Variants in EVI5 observed in about 807,000 individuals in gnomAD.
The protein encoded by EVI5 is ecotropic viral integration site 5 protein homolog.
In EVI5, 73 loss-of-function variants were observed where a neutral mutation model predicts 112.0. That is an observed-to-expected ratio of 0.65 (90% confidence interval 0.54 to 0.79). The LOEUF (loss-of-function observed/expected upper bound fraction) is 0.79, where lower values mean the gene tolerates loss of function less well. EVI5 is among the 30% of genes least tolerant of loss of function. The pLI, the probability that EVI5 is intolerant of heterozygous loss-of-function variation, is 0.00. For missense variants in EVI5, 900 were observed against 968.8 expected, an observed-to-expected ratio of 0.93 and a Z score of 0.94; for synonymous variants, 305 against 319.9, an observed-to-expected ratio of 0.95 and a Z score of 0.50.
chr1:92,789,372 G>C (rs144000623), upstream of EVI5, among the ~76,000 whole-genome samples: 128 of 151,550 alleles, frequency 8.4e-4, no homozygotes, highest in African/African-American at 2.9e-3. Flanking sequence ...GCAAGATCTT[G>C]ACTCACTGCA....
At chr1:92,632,273 T>G (rs1016763661) in intron 14 of EVI5, among the ~76,000 whole-genome samples, 10 of 152,238 alleles carry the variant, frequency 6.6e-5, no homozygotes, top group African/African-American at 2.4e-4. Flanking sequence ...CTCCTCCTTG[T>G]ACCTCTGGTA....
intron 16 of EVI5, among the ~76,000 whole-genome samples, chr1:92,621,951 T>C (rs1259194550): frequency 6.6e-6 from 1 of 151,774 alleles, no homozygotes; most frequent in East Asian, 1.9e-4. Flanking sequence ...TGAAACCCCG[T>C]CTCTACCAAA....
chr1:92,542,363 A>T (rs900406194), intron 19 of EVI5, among the ~76,000 whole-genome samples: 1 of 152,124 alleles, frequency 6.6e-6, no homozygotes, highest in African/African-American at 2.4e-5. Flanking sequence ...AGGCTCTACT[A>T]CATTACTAAT....
intron 18 of EVI5, among the ~76,000 whole-genome samples, chr1:92,599,102 A>T (rs1409887452): frequency 6.6e-6 from 1 of 151,780 alleles, no homozygotes; most frequent in African/African-American, 2.4e-5. Context: ...AAGTATCTAT[A>T]TATTACAATG....
intron 13 of EVI5, among the ~76,000 whole-genome samples, chr1:92,638,790 A>T (rs1659385459): frequency 6.6e-6 from 1 of 152,178 alleles, no homozygotes; most frequent in South Asian, 2.1e-4. Flanking sequence ...TTTGTATTAC[A>T]GAGCCCATGT....
At chr1:92,613,681 T>C (rs1280091971) in intron 16 of EVI5, among the ~76,000 whole-genome samples, 1 of 152,174 alleles carries the variant, frequency 6.6e-6, no homozygotes, top group Non-Finnish European at 1.5e-5. Flanking sequence ...CTCAAACTCC[T>C]GGGCTCAAGC....
intron 14 of EVI5, among the ~76,000 whole-genome samples, chr1:92,634,347 G>C (rs529155185): frequency 3.9e-5 from 6 of 152,254 alleles, no homozygotes; most frequent in East Asian, 3.9e-4. Flanking sequence ...TTTTCACATA[G>C]TCCCATATTT....
chr1:92,583,902 A>G (rs936639263), intron 18 of EVI5, among the ~76,000 whole-genome samples: 4 of 152,204 alleles, frequency 2.6e-5, no homozygotes, highest in African/African-American at 9.6e-5. Flanking sequence ...ACAAATAGGT[A>G]TCATACCTCT....
intron 13 of EVI5, among the ~76,000 whole-genome samples, chr1:92,659,081 T>C (rs1000852505): frequency 6.6e-6 from 1 of 151,838 alleles, no homozygotes; most frequent in Non-Finnish European, 1.5e-5. Flanking sequence ...TAACTCAAGA[T>C]GGATTAAAGA....
intron 1 of EVI5, among the ~76,000 whole-genome samples, chr1:92,757,386 A>AT (rs1681106526): frequency 2.1e-5 from 1 of 46,962 alleles, no homozygotes; most frequent in Non-Finnish European, 3.9e-5. Flanking sequence ...TAAAGTACTA[A>AT]TTTTTGAAGA....
At chr1:92,606,526 T>C (rs892548337) in intron 17 of EVI5, among the ~76,000 whole-genome samples, 1 of 152,208 alleles carries the variant, frequency 6.6e-6, no homozygotes, top group Non-Finnish European at 1.5e-5. Context: ...CCTTCAAAAG[T>C]GACTGTGCTT....
At chr1:92,525,934 G>C (rs1661794781) in intron 19 of EVI5, among the ~76,000 whole-genome samples, 1 of 152,156 alleles carries the variant, frequency 6.6e-6, no homozygotes, top group Non-Finnish European at 1.5e-5. Flanking sequence ...GGAAACCCAG[G>C]AGCTTTAATA....
At chr1:92,677,583 C>T (rs1040908589) in intron 9 of EVI5, among the ~76,000 whole-genome samples, 42 of 152,118 alleles carry the variant, frequency 2.8e-4, no homozygotes, top group African/African-American at 9.9e-4. Flanking sequence ...ACTTAAAAAT[C>T]CTGGTACCAA....
intron 6 of EVI5, among the ~76,000 whole-genome samples, chr1:92,697,436 C>G (rs1170201762): frequency 6.6e-6 from 1 of 151,632 alleles, no homozygotes; most frequent in Non-Finnish European, 1.5e-5. Context: ...AAATTACGGG[C>G]TAGCAAAAAA....
In EVI5 at chr1:92,535,452, T is replaced by G. The variant is rs6693666; in HGVS notation, c.2167-21482A>C. On this transcript the variant is annotated intron_variant, in intron 19 of 19. Coordinates refer to ENST00000684568, the MANE Select transcript of EVI5 (RefSeq NM_001350197.2). Reference sequence around the variant, plus strand: ...TAAATCATTCTACTATAAAGACACATGCACACACATGTTTACTGCGGCACT... The same window carrying G: ...TAAATCATTCTACTATAAAGACACAGGCACACACATGTTTACTGCGGCACT... 5.5e-3 allele frequency among the ~76,000 whole-genome samples: 835 copies of G among 152,258 alleles called. 7 individuals carry two copies. Among genetic ancestry groups the G allele is most frequent in the African/African-American group, 0.018 (736 of 41,532 alleles).
At chr1:92,739,577 A>G (rs976209) in intron 1 of EVI5, among the ~76,000 whole-genome samples, 139,798 of 152,092 alleles carry the variant, frequency 0.92, 64,331 homozygotes, top group East Asian at 0.97. Flanking sequence ...CTTTAAAAGG[A>G]GCAAATTTAT....
intron 19 of EVI5, among the ~76,000 whole-genome samples, chr1:92,530,478 G>T (rs537473146): frequency 2.4e-4 from 36 of 152,236 alleles, no homozygotes; most frequent in Non-Finnish European, 4.4e-5. Flanking sequence ...CCTGACCCCT[G>T]TGTGTCCTGA....
intron 18 of EVI5, among the ~76,000 whole-genome samples, chr1:92,565,526 A>G (rs921051278): frequency 6.6e-6 from 1 of 152,168 alleles, no homozygotes; most frequent in Non-Finnish European, 1.5e-5. Context: ...GCATTTGTCA[A>G]TGTGGAGATT....
chr1:92,719,478 C>T (rs1456490697), intron 2 of EVI5, among the ~76,000 whole-genome samples: 1 of 152,024 alleles, frequency 6.6e-6, no homozygotes, highest in Non-Finnish European at 1.5e-5. Flanking sequence ...CAGAAAAGGT[C>T]TTCGACAAAA....
Sources: allele counts gnomAD v4.1 joint callset (sites outside exome capture counted in the v4.1 genomes callset), GRCh38; gene constraint gnomAD v4.1.1; transcripts MANE v1.5; gene names NCBI Gene and HGNC (gene_info 2026-07-23, HGNC 2026-07-21).